The following STXBP5L variants were observed in gnomAD, a reference collection of about 807,000 sequenced individuals.
The protein encoded by STXBP5L is syntaxin-binding protein 5-like.
In STXBP5L, 65 loss-of-function variants were observed where a neutral mutation model predicts 144.5. The observed-to-expected ratio is 0.45, with a 90% CI of 0.37 to 0.55. The LOEUF (loss-of-function observed/expected upper bound fraction) is 0.55, where lower values mean the gene tolerates loss of function less well. Ranked by LOEUF, STXBP5L falls within the 20% of genes least tolerant of loss-of-function variation. STXBP5L has a pLI of 0.00. For synonymous variants in STXBP5L, 505 were observed against 469.6 expected, an observed-to-expected ratio of 1.08 and a Z score of -0.97; for missense variants, 1,298 against 1,405.5, an observed-to-expected ratio of 0.92 and a Z score of 1.22.
At chr3:121,041,006 G>A (rs1297623557) in intron 3 of STXBP5L, among the ~76,000 whole-genome samples, 1 of 151,604 alleles carries the variant, frequency 6.6e-6, no homozygotes, top group African/African-American at 2.4e-5. Context: ...ATATATATCA[G>A]ATCATTTGGT....
chr3:121,324,510 C>A (rs76958336), intron 20 of STXBP5L: 88,117 of 696,994 alleles, frequency 0.13, 5,828 homozygotes, highest in Middle Eastern at 0.14. Flanking sequence ...TACCAGAACC[C>A]CTGAGTCAGC....
At chr3:121,027,282 T>G (rs1193724845) in intron 3 of STXBP5L, among the ~76,000 whole-genome samples, 2 of 152,078 alleles carry the variant, frequency 1.3e-5, no homozygotes, top group African/African-American at 4.8e-5. Context: ...TTCATATAGT[T>G]AATCATGATT....
chr3:121,071,153 T>A (rs1048752020), intron 5 of STXBP5L, among the ~76,000 whole-genome samples: 1 of 152,188 alleles, frequency 6.6e-6, no homozygotes, highest in East Asian at 1.9e-4. Context: ...GTCGGTGGCT[T>A]TAGTATTACT....
intron 17 of STXBP5L, among the ~76,000 whole-genome samples, chr3:121,257,742 T>G (rs1385292581): frequency 6.6e-6 from 1 of 152,086 alleles, no homozygotes; most frequent in African/African-American, 2.4e-5. Context: ...CTGGGCAACA[T>G]AGCAAGACCT....
chr3:120,928,343 A>G (rs1327802178), intron 2 of STXBP5L, among the ~76,000 whole-genome samples: 4 of 151,816 alleles, frequency 2.6e-5, no homozygotes, highest in African/African-American at 9.7e-5. Context: ...GCTCACTGCA[A>G]CCTCCGTCTC....
In STXBP5L at chr3:120,965,427, T is replaced by C. The variant is rs554201515; in HGVS notation, c.287+10390T>C. ...CAGTGGCTGATACTGGTTGTTTCTT[T>C]CTATGTTTAGTGCTTCCTTGAGGAG... On this transcript the variant is annotated intron_variant, in intron 3 of 26. Coordinates refer to ENST00000471454, the MANE Select transcript of STXBP5L (RefSeq NM_001308330.2). Among the ~76,000 whole-genome samples, 3 of 152,324 alleles carry C rather than the reference T, an allele frequency of 2.0e-5. No individual in the cohort carries two copies. The South Asian group carries it at 6.2e-4, about 32-fold the overall frequency.
chr3:121,098,918 A>T (rs2043274022), intron 5 of STXBP5L, among the ~76,000 whole-genome samples: 1 of 152,114 alleles, frequency 6.6e-6, no homozygotes, highest in South Asian at 2.1e-4. Flanking sequence ...CAGGCACATT[A>T]TCATGGTCCC....
intron 5 of STXBP5L, among the ~76,000 whole-genome samples, chr3:121,062,739 G>A (rs2041346499): frequency 6.6e-6 from 1 of 151,978 alleles, no homozygotes; most frequent in Admixed American, 6.6e-5. Context: ...TTGTCTTCGT[G>A]CTGTATTTCA....
intron 9 of STXBP5L, among the ~76,000 whole-genome samples, chr3:121,160,625 T>A (rs947546330): frequency 6.6e-6 from 1 of 152,120 alleles, no homozygotes; most frequent in African/African-American, 2.4e-5. Context: ...AATCAACGGA[T>A]ACTGGGAATA....
intron 2 of STXBP5L, among the ~76,000 whole-genome samples, chr3:120,928,046 TAAG>T (rs1283423721): frequency 4.6e-5 from 7 of 151,994 alleles, no homozygotes; most frequent in African/African-American, 9.7e-5. Flanking sequence ...GAAAGCAAAA[TAAG>T]AAAGATCAGG....
intron 9 of STXBP5L, among the ~76,000 whole-genome samples, chr3:121,198,612 G>T (rs1407608836): frequency 6.6e-6 from 1 of 151,976 alleles, no homozygotes; most frequent in African/African-American, 2.4e-5. Context: ...TTTTTTATGT[G>T]TTTAGGTCTT....
At chr3:121,065,246 G>T (rs1434494006) in intron 5 of STXBP5L, among the ~76,000 whole-genome samples, 1 of 151,710 alleles carries the variant, frequency 6.6e-6, no homozygotes, top group Non-Finnish European at 1.5e-5. Flanking sequence ...TTTTCCTTTG[G>T]GTATATACCC....
At chr3:121,310,350 C>T (rs918991219) in intron 19 of STXBP5L, among the ~76,000 whole-genome samples, 1 of 151,656 alleles carries the variant, frequency 6.6e-6, no homozygotes, top group Admixed American at 6.6e-5. Flanking sequence ...GTGGCTCACG[C>T]CTGTACTCCC....
intron 11 of STXBP5L, among the ~76,000 whole-genome samples, chr3:121,223,933 C>CAAAT (rs2049045011): frequency 6.6e-6 from 1 of 150,968 alleles, no homozygotes; most frequent in African/African-American, 2.4e-5. Flanking sequence ...CCATCTCAAA[C>CAAAT]AAATAAATAG....
chr3:120,968,321 G>T (rs529255527), intron 3 of STXBP5L, among the ~76,000 whole-genome samples: 5 of 152,008 alleles, frequency 3.3e-5, no homozygotes, highest in Non-Finnish European at 5.9e-5. Flanking sequence ...GTAATATCCT[G>T]TTATTGTATT....
At chr3:121,241,474 A>G (rs2049669142) in intron 14 of STXBP5L, among the ~76,000 whole-genome samples, 1 of 152,042 alleles carries the variant, frequency 6.6e-6, no homozygotes, top group Admixed American at 6.6e-5. Context: ...GTAAAAGCCA[A>G]GTGGAGAGCT....
chr3:121,204,372 G>A (rs764634367), intron 9 of STXBP5L, among the ~76,000 whole-genome samples: 1 of 152,264 alleles, frequency 6.6e-6, no homozygotes, highest in East Asian at 1.9e-4. Flanking sequence ...CAGTGTGAAT[G>A]ATTATGGTCA....
At chr3:121,197,369 G>A (rs1448369161) in intron 9 of STXBP5L, among the ~76,000 whole-genome samples, 1 of 152,048 alleles carries the variant, frequency 6.6e-6, no homozygotes, top group Non-Finnish European at 1.5e-5. Context: ...TGTTGGTACT[G>A]TTAGATTGAT....
chr3:121,081,174 C>A (rs1052536412), intron 5 of STXBP5L, among the ~76,000 whole-genome samples: 1 of 151,766 alleles, frequency 6.6e-6, no homozygotes, highest in African/African-American at 2.4e-5. Context: ...TTTTATATTT[C>A]CCTAAGTGTG....
Sources: gnomAD v4.1 joint callset for allele counts (sites outside exome capture counted in the v4.1 genomes callset) on GRCh38, gnomAD v4.1.1 for gene constraint, MANE v1.5 for transcripts, NCBI Gene and HGNC (gene_info 2026-07-23, HGNC 2026-07-21) for gene names.